The following SLC5A4 variants were observed in gnomAD, a reference collection of about 807,000 sequenced individuals.
The protein encoded by SLC5A4 is probable glucose sensor protein SLC5A4.
Under a neutral mutation model 70.3 loss-of-function variants are expected in SLC5A4, and 55 were observed. That is an observed-to-expected ratio of 0.78 (90% CI 0.63 to 0.98). The LOEUF is 0.98. Ranked by LOEUF, SLC5A4 falls within the 50% of genes least tolerant of loss-of-function variation. The probability of loss-of-function intolerance (pLI) is 0.00; values close to 1 mark genes in which losing one functional copy is unlikely to be tolerated. For missense variants in SLC5A4, 735 were observed against 839.2 expected, an observed-to-expected ratio of 0.88 and a Z score of 1.53; for synonymous variants, 268 against 305.7, an observed-to-expected ratio of 0.88 and a Z score of 1.29.
the SLC5A4 span, among the ~76,000 whole-genome samples, chr22:32,293,006 T>C: frequency 6.6e-6 from 1 of 152,180 alleles, no homozygotes; most frequent in East Asian, 1.9e-4. Context: ...GAATTGGCTT[T>C]TATCATTATG....
chr22:32,349,517 T>A, the SLC5A4 span, among the ~76,000 whole-genome samples: 1 of 152,200 alleles, frequency 6.6e-6, no homozygotes, highest in Admixed American at 6.5e-5. Context: ...TCTATGACAT[T>A]AAAGCACTTA....
the SLC5A4 span, among the ~76,000 whole-genome samples, chr22:32,349,144 T>G: frequency 2.0e-5 from 3 of 152,024 alleles, no homozygotes; most frequent in Non-Finnish European, 4.4e-5. Context: ...TGGCTAATTT[T>G]TTGTGTTTTT....
chr22:32,274,342 A>G, the SLC5A4 span, among the ~76,000 whole-genome samples: 1 of 152,148 alleles, frequency 6.6e-6, no homozygotes, highest in Non-Finnish European at 1.5e-5. Flanking sequence ...GCCCGGCCCA[A>G]CATTTGATAT....
the SLC5A4 span, among the ~76,000 whole-genome samples, chr22:32,311,114 G>T: frequency 6.6e-6 from 1 of 152,148 alleles, no homozygotes. Flanking sequence ...GCTCAATAAG[G>T]CCTTCCCAGA....
At chr22:32,225,559 T>C (rs1925342415) in intron 12 of SLC5A4, 96 bp downstream of exon 12, 2 of 766,490 alleles carry the variant, frequency 2.6e-6, no homozygotes, top group Admixed American at 5.0e-5. Context: ...ATGATTTGCA[T>C]AAATAGGGGA....
intron 2 of SLC5A4, 58 bp from the exon 3 acceptor site, chr22:32,251,932 G>C (rs1005827070): frequency 5.2e-5 from 67 of 1,285,234 alleles, no homozygotes; most frequent in Non-Finnish European, 7.4e-5. Context: ...CAGACTTCTT[G>C]AAAATAGACA....
chr22:32,272,405 T>C, the SLC5A4 span: 1 of 903,720 alleles, frequency 1.1e-6, no homozygotes, highest in South Asian at 1.4e-5. Context: ...CTGACGGGCA[T>C]GGCCTTCATG....
the SLC5A4 span, among the ~76,000 whole-genome samples, chr22:32,319,078 C>A: frequency 6.6e-6 from 1 of 152,008 alleles, no homozygotes; most frequent in Non-Finnish European, 1.5e-5. Context: ...GGAATTCACA[C>A]TCTCTGCCTG....
the SLC5A4 span, among the ~76,000 whole-genome samples, chr22:32,331,118 T>G: frequency 7.7e-6 from 1 of 130,480 alleles, no homozygotes; most frequent in African/African-American, 3.0e-5. Context: ...CTTGTGTGTG[T>G]TCGAGGCTCT....
the SLC5A4 span, chr22:32,327,586 C>G: frequency 6.6e-6 from 1 of 152,476 alleles, no homozygotes; most frequent in Admixed American, 6.5e-5. Context: ...CATCCTCTCT[C>G]CAAGCCCAGT....
At chr22:32,272,213 G>C in the SLC5A4 span, 1 of 765,188 alleles carries the variant, frequency 1.3e-6, no homozygotes, top group Non-Finnish European at 2.4e-6. Context: ...CCTGAGGGCG[G>C]ATCTTGATCA....
chr22:32,251,275 T>G (rs117161166), intron 3 of SLC5A4, among the ~76,000 whole-genome samples: 270 of 151,318 alleles, frequency 1.8e-3, no homozygotes, highest in Admixed American at 2.7e-3. Context: ...TACCACCAAG[T>G]TCATGTGTTG....
rs144495809 is a variant in SLC5A4, at chr22:32,251,815, C to T, written c.267G>A (p.Gly89=). ...IGSNHYVGLA[G]TGAASGVATV... Reference sequence around the variant, plus strand: ...TGGCGACTCCTGAAGCTGCTCCTGTCCCAGCCAGCCCCACATAGTGGTTGC... The same window carrying T: ...TGGCGACTCCTGAAGCTGCTCCTGTTCCAGCCAGCCCCACATAGTGGTTGC... The change falls in exon 3 of 15, where the codon GGG becomes GGA. Residue 89 remains glycine, a synonymous_variant. Transcript: ENST00000266086. 3.3e-3 allele frequency: 5,384 copies of T among 1,614,038 alleles called. 21 individuals carry two copies. The highest frequency in any genetic ancestry group is 7.0e-3 in the East Asian group (316 of 44,880).
At chr22:32,329,420 A>G in the SLC5A4 span, among the ~76,000 whole-genome samples, 2 of 152,056 alleles carry the variant, frequency 1.3e-5, no homozygotes, top group East Asian at 3.9e-4. Context: ...GGCCGCGGAC[A>G]TGCTTGAGGG....
At chr22:32,239,581 TTTATATATATATAAATTA>T (rs1569375102) in intron 5 of SLC5A4, among the ~76,000 whole-genome samples, 567 of 26,944 alleles carry the variant, frequency 0.021, 36 homozygotes, top group Non-Finnish European at 0.031. Context: ...TATATATATA[TTTATATATATATAAATTA>T]TATAAAATAT....
At chr22:32,295,480 C>G in the SLC5A4 span, among the ~76,000 whole-genome samples, 5 of 111,216 alleles carry the variant, frequency 4.5e-5, 2 homozygotes, top group African/African-American at 1.6e-4. Context: ...AGTGTCTGTT[C>G]ATGTCCTTCG....
At chr22:32,289,570 C>T in the SLC5A4 span, among the ~76,000 whole-genome samples, 2 of 152,240 alleles carry the variant, frequency 1.3e-5, no homozygotes, top group African/African-American at 2.4e-5. Flanking sequence ...CCTCCCGGTT[C>T]AAGCGATTCT....
intron 3 of SLC5A4, among the ~76,000 whole-genome samples, chr22:32,251,149 C>CAAAAAAAAAAAAAAAA (rs1169115054): frequency 1.2e-3 from 28 of 22,762 alleles, no homozygotes; most frequent in Admixed American, 2.1e-3. Flanking sequence ...AACAAATAAG[C>CAAAAAAAAAAAAAAAA]AAAAAAAAAA....
At chr22:32,326,318 A>C in the SLC5A4 span, among the ~76,000 whole-genome samples, 1 of 149,132 alleles carries the variant, frequency 6.7e-6, no homozygotes, top group Non-Finnish European at 1.5e-5. Context: ...AGGCAATGGC[A>C]CGATCTTGGC....
Sources: allele counts gnomAD v4.1 joint callset (sites outside exome capture counted in the v4.1 genomes callset), GRCh38; gene constraint gnomAD v4.1.1; transcripts MANE v1.5; gene names NCBI Gene and HGNC (gene_info 2026-07-23, HGNC 2026-07-21).